Variants in MED26 observed in about 807,000 individuals in gnomAD.
MED26 encodes mediator complex subunit 26.
In MED26, 7 loss-of-function variants were observed where a neutral mutation model predicts 43.7. That is an observed-to-expected ratio of 0.16 (90% CI 0.09 to 0.30). The LOEUF (loss-of-function observed/expected upper bound fraction) is 0.30, where lower values mean the gene tolerates loss of function less well. Ranked by LOEUF, MED26 falls within the 10% of genes least tolerant of loss-of-function variation. The pLI, the probability that MED26 is intolerant of heterozygous loss-of-function variation, is 1.00. For missense variants in MED26, 784 were observed against 840.6 expected, an observed-to-expected ratio of 0.93 and a Z score of 0.83; for synonymous variants, 375 against 371.1, an observed-to-expected ratio of 1.01 and a Z score of -0.12.
chr19:16,590,348 T>C (rs1475968119), intron 1 of MED26, among the ~76,000 whole-genome samples: 5 of 152,184 alleles, frequency 3.3e-5, no homozygotes, highest in Non-Finnish European at 1.5e-5. Context: ...TGCTACCCCA[T>C]GCAGCCAGCA....
At chr19:16,612,372 C>G (rs2086203573) in intron 1 of MED26, among the ~76,000 whole-genome samples, 1 of 152,030 alleles carries the variant, frequency 6.6e-6, no homozygotes, top group African/African-American at 2.4e-5. Flanking sequence ...CTAGCCTCAG[C>G]CTACACAGCT....
chr19:16,605,945 G>T (rs1287135864), intron 1 of MED26, among the ~76,000 whole-genome samples: 2 of 152,232 alleles, frequency 1.3e-5, no homozygotes, highest in African/African-American at 4.8e-5. Flanking sequence ...ATCACTGTGT[G>T]CGGATATTCG....
Position 16,577,208 on chromosome 19 carries a change from G to A in MED26, c.622C>T (p.Arg208Cys), listed in dbSNP as rs749122470. The stretch of plus-strand genomic sequence containing the variant: ...TTGTCATTCTCGTCACGCTCCAGGC[G>A]GCTGCCCTCTGGGCCTGCATGCCCA... ...GSGHAGPEGSRLERDENDKHS... is the reference protein window; with the variant it reads ...GSGHAGPEGSCLERDENDKHS... The change falls in exon 3 of 3, where the codon CGC becomes TGC. Residue 208 changes from arginine (R) to cysteine (C), a missense_variant. Arg to Cys is a radical substitution (Grantham distance 180, BLOSUM62 -3). Around this residue, in one of 3 missense-constraint regions of MED26, gnomAD observed 719 missense variants for 730.9 expected, o/e 0.98. Transcript: ENST00000263390. This position sits in a 1 kb window ranked among gnomAD's most constrained non-coding sequence, Gnocchi z 8.1. The A allele has an allele frequency of 5.6e-6, 9 of 1,613,150 alleles. No individual in the cohort carries two copies. The highest frequency in any genetic ancestry group is 3.3e-5 in the South Asian group (3 of 91,092).
intron 1 of MED26, chr19:16,588,282 G>A (rs2086080031): frequency 6.6e-6 from 1 of 152,212 alleles, no homozygotes; most frequent in Admixed American, 6.5e-5. Context: ...CAGAAGACTG[G>A]AAATGACCCA....
chr19:16,593,255 C>T (rs986446840), intron 1 of MED26, among the ~76,000 whole-genome samples: 1 of 152,248 alleles, frequency 6.6e-6, no homozygotes, highest in Non-Finnish European at 1.5e-5. Context: ...ATCACCACCT[C>T]ACCATTCACT....
At position 16,596,086 on chromosome 19, in the gene MED26, C is replaced by T. The variant is rs564567191; in HGVS notation, c.73-17677G>A. Reference sequence around the variant, plus strand: ...AGTGCAGTGGCACCATCGTGGCTCACTGCAGCTTCGACCTCACTTGAGCTC... The same window carrying T: ...AGTGCAGTGGCACCATCGTGGCTCATTGCAGCTTCGACCTCACTTGAGCTC... On this transcript the variant is annotated intron_variant, in intron 1 of 2. Coordinates refer to ENST00000263390, the MANE Select transcript of MED26 (RefSeq NM_004831.5). Among the ~76,000 whole-genome samples, 11 of 152,340 alleles carry T rather than the reference C, an allele frequency of 7.2e-5. No homozygotes were observed. In the South Asian group the frequency reaches 2.3e-3, roughly 32 times the overall value.
chr19:16,578,085 C>A (rs976132452), intron 2 of MED26: 11 of 546,072 alleles, frequency 2.0e-5, no homozygotes, highest in Non-Finnish European at 3.2e-5. Context: ...CTCCTCCAAG[C>A]ACACCTCTCC....
chr19:16,599,918 T>C (rs1427466286), intron 1 of MED26, among the ~76,000 whole-genome samples: 2 of 151,950 alleles, frequency 1.3e-5, no homozygotes, highest in Non-Finnish European at 2.9e-5. Flanking sequence ...GACGTAGAGG[T>C]CTCACCACCA....
chr19:16,595,927 T>C (rs1375340136), intron 1 of MED26, among the ~76,000 whole-genome samples: 4 of 152,224 alleles, frequency 2.6e-5, no homozygotes, highest in East Asian at 3.8e-4. Context: ...TCTCATTTTT[T>C]CCTTAGGAAT....
chr19:16,577,072 A>G lies in MED26; in HGVS notation c.758T>C (p.Leu253Pro). 3 of 1,608,916 alleles carry G rather than the reference A, an allele frequency of 1.9e-6. No individual in the cohort carries two copies. The highest frequency in any genetic ancestry group is 2.6e-6 in the Non-Finnish European group (3 of 1,176,428). Reference protein sequence around the residue: ...LQPKASVLQQLDRVDETPGPP... With the variant: ...LQPKASVLQQPDRVDETPGPP... ...CCCCGGAGTCTCGTCCACCCTGTCC[A>G]GCTGCTGCAGCACCGAAGCCTTTGG... The change falls in exon 3 of 3, where the codon CTG becomes CCG. Residue 253 changes from leucine to proline, a missense_variant. Transcript: ENST00000263390. This position sits in a 1 kb window ranked among gnomAD's most constrained non-coding sequence, Gnocchi z 8.1.
intron 1 of MED26, among the ~76,000 whole-genome samples, chr19:16,581,278 G>A (rs924977766): frequency 2.0e-5 from 3 of 152,196 alleles, no homozygotes; most frequent in Admixed American, 6.5e-5. Flanking sequence ...GGGGGTGGAC[G>A]GGTGATATGA....
At chr19:16,616,781 G>T (rs938579670) in intron 1 of MED26, among the ~76,000 whole-genome samples, 1 of 152,164 alleles carries the variant, frequency 6.6e-6, no homozygotes. Context: ...AAACGCTTAG[G>T]GGGAGCAGGC....
chr19:16,581,371 C>T (rs1419792358), intron 1 of MED26, among the ~76,000 whole-genome samples: 2 of 152,196 alleles, frequency 1.3e-5, no homozygotes, highest in African/African-American at 2.4e-5. Flanking sequence ...GGAGGCCAGT[C>T]CCAGACAGAC....
chr19:16,576,092 T>G lies in MED26; in HGVS notation c.1738A>C (p.Ile580Leu), dbSNP rs777939661. The stretch of plus-strand genomic sequence containing the variant: ...TCGTCGCCGTGCGGATCGAGCGATA[T>G]GCACTGCGTCCAGTCATACCAGTTA... ...QGNWYDWTQCISLDPHGDDGR... is the reference protein window; with the variant it reads ...QGNWYDWTQCLSLDPHGDDGR... The change falls in exon 3 of 3, where the codon ATA becomes CTA. Residue 580 changes from isoleucine to leucine, a missense_variant. Ile to Leu is a conservative substitution (Grantham distance 5). Coordinates refer to ENST00000263390, the MANE Select transcript of MED26 (RefSeq NM_004831.5). The surrounding 1 kb of genome is among the most constrained non-coding windows in gnomAD (Gnocchi z 6.8). 3 of 1,613,904 alleles carry G rather than the reference T, an allele frequency of 1.9e-6. No individual in the cohort carries two copies. In the South Asian group the frequency reaches 3.3e-5, roughly 18 times the overall value.
In MED26 at chr19:16,576,827, C is replaced by A; in HGVS notation, c.1003G>T (p.Ala335Ser). 6.2e-7 allele frequency: 1 copy of A among 1,609,706 alleles called. No individual in the cohort carries two copies. The highest frequency in any genetic ancestry group is 8.5e-7 in the Non-Finnish European group (1 of 1,178,814). The change falls in exon 3 of 3, where the codon GCG becomes TCG. Residue 335 changes from alanine (A) to serine (S), a missense_variant. By Grantham distance (99) the Ala-to-Ser change is moderately conservative. This residue lies in a region of MED26 where 719 missense variants were observed against 730.9 expected (regional missense o/e 0.98). Coordinates refer to ENST00000263390, the MANE Select transcript of MED26 (RefSeq NM_004831.5). The surrounding 1 kb of genome is among the most constrained non-coding windows in gnomAD (Gnocchi z 6.8). Reference sequence around the variant, plus strand: ...TCAAGCCAGCACACTGGGCTTTCCGCACTGGGCAGCAGCTCGAGCCGCCGT... The same window carrying A: ...TCAAGCCAGCACACTGGGCTTTCCGAACTGGGCAGCAGCTCGAGCCGCCGT... ...PVRRLELLPS[A>S]ESPVCWLEQP...
At position 16,575,398 on chromosome 19, in the gene MED26, G is replaced by T. The variant is rs1043673870; in HGVS notation, c.*629C>A. On this transcript the variant is annotated 3_prime_UTR_variant, in exon 3 of 3. Coordinates refer to ENST00000263390, the MANE Select transcript of MED26 (RefSeq NM_004831.5). Reference sequence around the variant, plus strand: ...TATAACTGAAACCAGATATAAACAGGTGGCTGCCCATGGAGTGTGGGTCAC... The same window carrying T: ...TATAACTGAAACCAGATATAAACAGTTGGCTGCCCATGGAGTGTGGGTCAC... 6.5e-6 allele frequency: 1 copy of T among 152,754 alleles called. No individual in the cohort carries two copies. Among genetic ancestry groups the T allele is most frequent in the Non-Finnish European group, 1.5e-5 (1 of 68,130 alleles). 9.5% of individuals were successfully genotyped at this position (152,754 alleles called of 1,614,324 possible).
At chr19:16,596,037 G>A (rs2086118721) in intron 1 of MED26, among the ~76,000 whole-genome samples, 1 of 152,136 alleles carries the variant, frequency 6.6e-6, no homozygotes, top group African/African-American at 2.4e-5. Context: ...TTGAGACAGG[G>A]TCTCGCCCTG....
intron 1 of MED26, among the ~76,000 whole-genome samples, chr19:16,604,686 C>G (rs1036251871): frequency 3.3e-5 from 5 of 152,172 alleles, no homozygotes; most frequent in Non-Finnish European, 5.9e-5. Flanking sequence ...CTGGGTGACA[C>G]CTGTTACTCA....
intron 2 of MED26, chr19:16,578,083 A>C: frequency 1.8e-6 from 1 of 545,058 alleles, no homozygotes; most frequent in East Asian, 3.3e-5. Context: ...GCCTCCTCCA[A>C]GCACACCTCT....
Sources: gnomAD v4.1 joint callset for allele counts (sites outside exome capture counted in the v4.1 genomes callset) on GRCh38, gnomAD v4.1.1 for gene constraint, gnomAD v4.1.1 regional missense constraint, Gnocchi (gnomAD v3.1) non-coding constraint, MANE v1.5 for transcripts, NCBI Gene and HGNC (gene_info 2026-07-23, HGNC 2026-07-21) for gene names.